Variants in DIAPH2 observed in about 807,000 individuals in gnomAD.
DIAPH2 encodes protein diaphanous homolog 2.
Under a neutral mutation model 92.7 loss-of-function variants are expected in DIAPH2, and 35 were observed. The observed-to-expected ratio is 0.38, with a 90% CI of 0.29 to 0.50. DIAPH2 has a LOEUF of 0.50. Among genes scored for constraint, DIAPH2 ranks in the 20% least tolerant of loss-of-function variants. The probability of loss-of-function intolerance (pLI) is 0.94; values close to 1 mark genes in which losing one functional copy is unlikely to be tolerated. For synonymous variants in DIAPH2, 301 were observed against 280.4 expected (o/e 1.07, Z -0.73); for missense variants, 701 against 819.5 (o/e 0.86, Z 1.77).
At chrX:97,375,160 G>A (rs1193138709) in intron 24 of DIAPH2, among the ~76,000 whole-genome samples, 2 of 111,674 alleles carry the variant, frequency 1.8e-5, no homozygotes, top group Non-Finnish European at 3.8e-5. Flanking sequence ...TGCAACAAAA[G>A]TGTCAATAGT....
At chrX:97,020,816 GA>G (rs200559484) in intron 17 of DIAPH2, among the ~76,000 whole-genome samples, 1,164 of 111,933 alleles carry the variant, frequency 0.01, 12 homozygotes, top group African/African-American at 0.035. Flanking sequence ...TAAAACTTAT[GA>G]ATTGTTTATT....
chrX:97,049,731 TTTCTC>T (rs1051017296), intron 17 of DIAPH2, among the ~76,000 whole-genome samples: 1 of 111,256 alleles, frequency 9.0e-6, no homozygotes, highest in African/African-American at 3.3e-5. Flanking sequence ...TTTAAATCCT[TTTCTC>T]TTCCTAAGCA....
At chrX:97,540,183 G>T (rs1245069363) in intron 26 of DIAPH2, among the ~76,000 whole-genome samples, 3 of 111,819 alleles carry the variant, frequency 2.7e-5, no homozygotes, top group Non-Finnish European at 5.7e-5. Flanking sequence ...GCTCAATTTG[G>T]GATACAGAAT....
At chrX:97,390,807 T>G (rs1229336238) in intron 25 of DIAPH2, among the ~76,000 whole-genome samples, 1 of 112,551 alleles carries the variant, frequency 8.9e-6, no homozygotes, top group Non-Finnish European at 1.9e-5. Context: ...ATTTAGTTAA[T>G]TACCTTTTCA....
chrX:97,140,524 A>T lies in DIAPH2; in HGVS notation c.2590-1141A>T, dbSNP rs750856885. 8.9e-5 allele frequency among the ~76,000 whole-genome samples: 10 copies of T among 111,866 alleles called. No individual in the cohort carries two copies. In the East Asian group the frequency reaches 2.8e-3, roughly 31 times the overall value. The stretch of plus-strand genomic sequence containing the variant: ...CGAAATTTTGAAAGAAATCATTGTG[A>T]CCTCTTGAACTATCAACATTATGCC... On this transcript the variant is annotated intron_variant, in intron 21 of 26. Transcript: ENST00000324765.
intron 17 of DIAPH2, among the ~76,000 whole-genome samples, chrX:97,005,251 G>A (rs1273226715): frequency 9.1e-6 from 1 of 109,694 alleles, no homozygotes; most frequent in Non-Finnish European, 1.9e-5. Context: ...ATTGCCTGTA[G>A]TTTTCTTTTT....
intron 19 of DIAPH2, among the ~76,000 whole-genome samples, chrX:97,092,486 C>T (rs186319382): frequency 8.9e-6 from 1 of 112,313 alleles, no homozygotes; most frequent in East Asian, 2.8e-4. Context: ...TGTTAGCTTG[C>T]CAGATGTGTC....
At chrX:97,386,396 A>G (rs113340100) in intron 25 of DIAPH2, among the ~76,000 whole-genome samples, 243 of 111,932 alleles carry the variant, frequency 2.2e-3, no homozygotes, top group African/African-American at 7.5e-3. Flanking sequence ...GTGGCTGGGC[A>G]TGGTGGCTCA....
intron 17 of DIAPH2, among the ~76,000 whole-genome samples, chrX:97,044,031 T>C (rs1248791442): frequency 8.9e-6 from 1 of 112,237 alleles, no homozygotes; most frequent in Non-Finnish European, 1.9e-5. Flanking sequence ...AGAAATAGAC[T>C]TGTACAAAGA....
intron 22 of DIAPH2, among the ~76,000 whole-genome samples, chrX:97,237,988 G>A (rs2068062689): frequency 9.0e-6 from 1 of 111,546 alleles, no homozygotes; most frequent in South Asian, 3.8e-4. Flanking sequence ...TGTCAAGAAA[G>A]GTAGGAGATT....
chrX:96,757,726 C>T (rs2147597649), intron 3 of DIAPH2, among the ~76,000 whole-genome samples: 1 of 111,341 alleles, frequency 9.0e-6, no homozygotes, highest in East Asian at 2.8e-4. Flanking sequence ...TATATAGACC[C>T]TGACAATTTG....
chrX:96,908,385 C>T (rs941115204), intron 5 of DIAPH2, among the ~76,000 whole-genome samples: 18 of 110,427 alleles, frequency 1.6e-4, no homozygotes, highest in African/African-American at 5.9e-4. Context: ...AATGTAAGGT[C>T]CATGAGAAAT....
At chrX:97,544,103 T>C (rs957070556) in intron 26 of DIAPH2, among the ~76,000 whole-genome samples, 38 of 111,559 alleles carry the variant, frequency 3.4e-4, no homozygotes, top group Middle Eastern at 4.6e-3. Context: ...GTTATACTTA[T>C]TCATCAAAAG....
chrX:96,916,786 A>G (rs2065507463), intron 8 of DIAPH2, among the ~76,000 whole-genome samples: 1 of 111,145 alleles, frequency 9.0e-6, no homozygotes, highest in Non-Finnish European at 1.9e-5. Context: ...CCTAGTGGGA[A>G]ATTCTTGAAA....
chrX:96,949,028 C>G lies in DIAPH2; in HGVS notation c.1603C>G (p.Leu535Val), dbSNP rs2065755693. 1.3e-5 allele frequency: 15 copies of G among 1,186,537 alleles called. No homozygotes were observed. Among genetic ancestry groups the G allele is most frequent in the Non-Finnish European group, 1.7e-5 (15 of 877,100 alleles). ...IKELEAEIQQ[L>V]RTQAQVLSSS... ...AGAACTTGAAGCAGAAATCCAGCAA[C>G]TTCGAACCCAGGTAATGAAAGAAGA... Residue 535 changes from leucine (L) to valine (V), a missense_variant, in exon 15 of 27, where the codon CTT (leucine) becomes GTT (valine). Leu to Val is a conservative substitution (Grantham distance 32). Around this residue, in one of 3 missense-constraint regions of DIAPH2, gnomAD observed 536 missense variants for 599.3 expected, o/e 0.89. Coordinates refer to ENST00000324765, the MANE Select transcript of DIAPH2 (RefSeq NM_006729.5).
At chrX:97,517,427 A>G (rs2070957575) in intron 26 of DIAPH2, among the ~76,000 whole-genome samples, 1 of 112,029 alleles carries the variant, frequency 8.9e-6, no homozygotes, top group African/African-American at 3.2e-5. Flanking sequence ...GCATGGCAAT[A>G]ATCTATAATT....
intron 17 of DIAPH2, among the ~76,000 whole-genome samples, chrX:97,045,816 G>A (rs991717099): frequency 1.9e-5 from 2 of 106,395 alleles, no homozygotes; most frequent in South Asian, 4.3e-4. Context: ...AAGGTGGTAT[G>A]TGGGAAGGGT....
At chrX:97,389,785 A>G (rs2069638885) in intron 25 of DIAPH2, among the ~76,000 whole-genome samples, 1 of 110,287 alleles carries the variant, frequency 9.1e-6, no homozygotes, top group Admixed American at 9.8e-5. Context: ...CCATCCCCTC[A>G]AGGAGTTCTG....
chrX:96,853,955 T>G (rs1191021134), intron 4 of DIAPH2, among the ~76,000 whole-genome samples: 1 of 111,969 alleles, frequency 8.9e-6, no homozygotes, highest in African/African-American at 3.2e-5. Context: ...ATCTATATAC[T>G]AGTTCTGGAT....
Sources: gnomAD v4.1 joint callset for allele counts (sites outside exome capture counted in the v4.1 genomes callset) on GRCh38, gnomAD v4.1.1 for gene constraint, gnomAD v4.1.1 regional missense constraint, MANE v1.5 for transcripts, NCBI Gene and HGNC (gene_info 2026-07-23, HGNC 2026-07-21) for gene names.